GOT2: variants seen among roughly 807,000 people sequenced by gnomAD.
GOT2 encodes aspartate aminotransferase, mitochondrial.
Under a neutral mutation model 50.0 loss-of-function variants are expected in GOT2, and 17 were observed. That is an observed-to-expected ratio of 0.34 (90% confidence interval 0.23 to 0.51). The LOEUF is 0.51. GOT2 is among the 20% of genes least tolerant of loss of function. The pLI is 0.97. For synonymous variants in GOT2, 172 were observed against 204.9 expected (o/e 0.84, Z 1.37); for missense variants, 430 against 559.6 (o/e 0.77, Z 2.34).
chr16:58,725,255 C>T (rs2044774569), intron 1 of GOT2, among the ~76,000 whole-genome samples: 2 of 152,050 alleles, frequency 1.3e-5, no homozygotes, highest in South Asian at 4.2e-4. Flanking sequence ...GCTGGGATTA[C>T]AAGTGTCCGC....
At position 58,729,917 on chromosome 16, in the gene GOT2, AT is replaced by A. The variant is rs879572369; in HGVS notation, c.89+4222del. ...CTAAATATAGGAGCAGGGATACTCA[AT>A]TTTTTTTTTAAAAATGTAATAAATT... On this transcript the variant is annotated intron_variant, in intron 1 of 9. Transcript: ENST00000245206. Among the ~76,000 whole-genome samples the A allele has an allele frequency of 3.4e-4, 52 of 152,086 alleles. 2 individuals are homozygous for A. Among genetic ancestry groups the A allele is most frequent in the Admixed American group, 1.2e-3 (19 of 15,262 alleles).
At chr16:58,724,796 C>T (rs1278519288) in intron 1 of GOT2, among the ~76,000 whole-genome samples, 1 of 152,044 alleles carries the variant, frequency 6.6e-6, no homozygotes, top group Non-Finnish European at 1.5e-5. Flanking sequence ...TCGCCTTGGC[C>T]TCCCAAAGTG....
At chr16:58,721,436 G>T (rs2044739287) in intron 3 of GOT2, among the ~76,000 whole-genome samples, 2 of 152,144 alleles carry the variant, frequency 1.3e-5, no homozygotes, top group Admixed American at 1.3e-4. Context: ...GTCCACCCAT[G>T]GCTTGTTTCC....
chr16:58,707,695 A>G lies in GOT2; in HGVS notation c.*476T>C, dbSNP rs2044615119. 1 of 152,260 alleles carries G rather than the reference A, an allele frequency of 6.6e-6. No homozygotes were observed. Among genetic ancestry groups the G allele is most frequent in the Non-Finnish European group, 1.5e-5 (1 of 68,068 alleles). 9.4% of individuals were successfully genotyped at this position (152,260 alleles called of 1,614,324 possible). A position where few individuals can be genotyped will look rare whatever the true frequency, so the allele number is the denominator to read the frequency against. On this transcript the variant is annotated 3_prime_UTR_variant, in exon 10 of 10. Transcript: ENST00000245206. ...AGTGGCAGCAGCCTCATTGGTTTTC[A>G]TAAAACATCATTTCTGCAGTGCGGC...
At chr16:58,726,510 T>TA (rs1555509479) in intron 1 of GOT2, among the ~76,000 whole-genome samples, 1 of 151,014 alleles carries the variant, frequency 6.6e-6, no homozygotes, top group Non-Finnish European at 1.5e-5. Flanking sequence ...TTTATTTATT[T>TA]TTGAGACGGA....
rs1467743916 is a variant in GOT2 at position 58,707,175 on chromosome 16, A to G, written c.*996T>C. The G allele has an allele frequency of 2.0e-5, 3 of 152,218 alleles. No homozygotes were observed. The highest frequency in any genetic ancestry group is 7.2e-5 in the African/African-American group (3 of 41,452). 9.4% of individuals were successfully genotyped at this position (152,218 alleles called of 1,614,324 possible). A position where few individuals can be genotyped will look rare whatever the true frequency, so the allele number is the denominator to read the frequency against. ...ATTGTAACAGAGAAACCAGGCCGCA[A>G]TAAGTCTACATGGTTAGAGCAGATG... On this transcript the variant is annotated 3_prime_UTR_variant, in exon 10 of 10. Coordinates refer to ENST00000245206, the MANE Select transcript of GOT2 (RefSeq NM_002080.4).
intron 8 of GOT2, among the ~76,000 whole-genome samples, chr16:58,714,989 G>A (rs937992729): frequency 2.6e-5 from 4 of 151,502 alleles, no homozygotes; most frequent in Non-Finnish European, 4.4e-5. Context: ...TGTGGATTGT[G>A]GTCAAAAAAA....
At position 58,731,593 on chromosome 16, in the gene GOT2, CT is replaced by C. The variant is rs908644466; in HGVS notation, c.89+2546del. 7.1e-4 allele frequency among the ~76,000 whole-genome samples: 108 copies of C among 151,848 alleles called. 2 individuals are homozygous for C. Among genetic ancestry groups the C allele is most frequent in the Middle Eastern group, 6.8e-3 (2 of 294 alleles). The stretch of plus-strand genomic sequence containing the variant: ...ATTATAAATCAAAATACATTAGCAT[CT>C]TTTTTTTTCTTCATTGAACTGCAAC... On this transcript the variant is annotated intron_variant, in intron 1 of 9. Coordinates refer to ENST00000245206, the MANE Select transcript of GOT2 (RefSeq NM_002080.4).
rs17849335 is a variant in GOT2 at position 58,708,181 on chromosome 16, A to T, written c.1283T>A (p.Val428Asp). The T allele has an allele frequency of 6.2e-7, 1 of 1,614,010 alleles. No homozygotes were observed. The highest frequency in any genetic ancestry group is 8.5e-7 in the Non-Finnish European group (1 of 1,179,944). The change falls in exon 10 of 10, where the codon GTC becomes GAC. Residue 428 changes from valine to aspartate, a missense_variant. By Grantham distance (152) the Val-to-Asp change is radical (BLOSUM62 -3). Coordinates refer to ENST00000245206, the MANE Select transcript of GOT2 (RefSeq NM_002080.4). ...CTCGCACCAGGGACATTACTTGGTG[A>T]CCTGGTGAATGGCATGGGCAAGGTA... ...VGYLAHAIHQ[V>D]TK
At chr16:58,717,215 A>C (rs1394883266) in intron 6 of GOT2, among the ~76,000 whole-genome samples, 1 of 152,096 alleles carries the variant, frequency 6.6e-6, no homozygotes, top group Non-Finnish European at 1.5e-5. Context: ...CTCTGTGAAA[A>C]ATAGGAAGAA....
intron 1 of GOT2, among the ~76,000 whole-genome samples, chr16:58,725,936 C>A (rs185135021): frequency 1.3e-5 from 2 of 152,278 alleles, no homozygotes; most frequent in African/African-American, 4.8e-5. Flanking sequence ...TCCTGTTATA[C>A]TCTTAAAACT....
intron 1 of GOT2, among the ~76,000 whole-genome samples, chr16:58,732,140 T>C (rs1280946131): frequency 1.3e-5 from 2 of 152,116 alleles, no homozygotes; most frequent in African/African-American, 2.4e-5. Flanking sequence ...ACTCTGTCTC[T>C]ACAAAAAATA....
intron 3 of GOT2, chr16:58,721,658 T>A: frequency 6.6e-6 from 1 of 152,586 alleles, no homozygotes; most frequent in African/African-American, 2.4e-5. Context: ...TTGGAATTGG[T>A]GTCATGTAAA....
At chr16:58,717,847 C>A (rs1022517559) in intron 6 of GOT2, among the ~76,000 whole-genome samples, 1 of 152,160 alleles carries the variant, frequency 6.6e-6, no homozygotes, top group Non-Finnish European at 1.5e-5. Flanking sequence ...TGGGCCACTA[C>A]GCCCAGCTAA....
intron 8 of GOT2, 45 bp downstream of exon 8, chr16:58,715,969 G>A (rs2044688609): frequency 4.1e-6 from 6 of 1,475,222 alleles, no homozygotes; most frequent in Non-Finnish European, 4.6e-6. Context: ...TGAAGGAGCA[G>A]TGGTGGGAAC....
intron 3 of GOT2, among the ~76,000 whole-genome samples, chr16:58,720,546 C>CCGA (rs1399766720): frequency 6.6e-6 from 1 of 151,602 alleles, no homozygotes; most frequent in African/African-American, 2.4e-5. Flanking sequence ...CACTGTAGGT[C>CCGA]CGATGATACT....
intron 3 of GOT2, among the ~76,000 whole-genome samples, chr16:58,719,528 C>T (rs767984892): frequency 9.9e-5 from 15 of 152,108 alleles, no homozygotes; most frequent in Admixed American, 5.9e-4. Context: ...GAGGCCAAGG[C>T]GGGTGGATCA....
intron 3 of GOT2, chr16:58,721,649 T>C (rs1267462903): frequency 6.6e-6 from 1 of 152,428 alleles, no homozygotes; most frequent in African/African-American, 2.4e-5. Context: ...AGTACATTTT[T>C]GGAATTGGTG....
At chr16:58,711,735 T>C (rs183943904) in intron 8 of GOT2, among the ~76,000 whole-genome samples, 1 of 152,172 alleles carries the variant, frequency 6.6e-6, no homozygotes, top group Admixed American at 6.5e-5. Flanking sequence ...TGGCATCTGA[T>C]TTTAAATTTC....
Sources: gnomAD v4.1 joint callset for allele counts (sites outside exome capture counted in the v4.1 genomes callset) on GRCh38, gnomAD v4.1.1 for gene constraint, MANE v1.5 for transcripts, NCBI Gene and HGNC (gene_info 2026-07-23, HGNC 2026-07-21) for gene names.